Variants in EPSTI1 observed in about 807,000 individuals in gnomAD.
EPSTI1 encodes the protein epithelial-stromal interaction protein 1.
In EPSTI1, 66 loss-of-function variants were observed where a neutral mutation model predicts 49.9. The ratio of observed to expected loss-of-function variants is 1.32; its 90% CI spans 1.08 to 1.62. The LOEUF is 1.62. Among genes scored for constraint, EPSTI1 ranks in the 40% most tolerant of loss-of-function variants. The pLI, the probability that EPSTI1 is intolerant of heterozygous loss-of-function variation, is 0.00. For missense variants in EPSTI1, 394 were observed against 365.5 expected, an observed-to-expected ratio of 1.08 and a Z score of -0.64; for synonymous variants, 137 against 130.7, an observed-to-expected ratio of 1.05 and a Z score of -0.33.
intron 4 of EPSTI1, 75 bp downstream of exon 4, chr13:42,963,991 T>C (rs1464131246): frequency 7.8e-7 from 1 of 1,277,164 alleles, no homozygotes; most frequent in East Asian, 2.4e-5. Context: ...AGTTACTGTG[T>C]TATTTCACAG....
intron 3 of EPSTI1, among the ~76,000 whole-genome samples, chr13:42,965,895 C>G (rs1329011104): frequency 7.9e-4 from 48 of 60,728 alleles, no homozygotes; most frequent in Non-Finnish European, 6.4e-4. Context: ...ACCTCCCTGC[C>G]TGATTCTCCT....
intron 1 of EPSTI1, among the ~76,000 whole-genome samples, chr13:42,971,610 G>T (rs946110245): frequency 4.3e-5 from 4 of 93,534 alleles, no homozygotes; most frequent in African/African-American, 1.4e-4. Context: ...TAGGATTTAA[G>T]AGGGAGGGAA....
At position 42,886,777 on chromosome 13, in the gene EPSTI1, A is replaced by G. The variant is rs1198180018; in HGVS notation, c.*1717T>C. 2 of 152,338 alleles carry G rather than the reference A, an allele frequency of 1.3e-5. No homozygotes were observed. Among genetic ancestry groups the G allele is most frequent in the African/African-American group, 2.4e-5 (1 of 41,578 alleles). The allele number at this position is 152,338 out of a possible 1,614,324, so 9.4% of individuals were successfully genotyped here. ...GTCATGAAGTAAGTCACAATTTTCC[A>G]TATCTGCACAATTTTTAAAAAATGG... is the stretch of plus-strand genomic sequence containing the variant. On this transcript the variant is annotated 3_prime_UTR_variant, in exon 11 of 11. Transcript: ENST00000313624.
At chr13:42,944,443 C>G (rs2038858358) in intron 6 of EPSTI1, among the ~76,000 whole-genome samples, 1 of 152,074 alleles carries the variant, frequency 6.6e-6, no homozygotes, top group African/African-American at 2.4e-5. Flanking sequence ...ACTGCATGTT[C>G]TCATTCATAA....
chr13:42,991,869 C>A, intron 1 of EPSTI1, 109 bp downstream of exon 1: 1 of 1,215,372 alleles, frequency 8.2e-7, no homozygotes, highest in South Asian at 1.3e-5. Flanking sequence ...AGTCAAAATC[C>A]CTGTTGTTGG....
intron 1 of EPSTI1, among the ~76,000 whole-genome samples, chr13:42,973,991 C>G (rs2039822009): frequency 6.6e-6 from 1 of 152,134 alleles, no homozygotes; most frequent in Admixed American, 6.5e-5. Context: ...AAAGAACAGA[C>G]AAGATAAAAT....
In EPSTI1 at chr13:42,992,156, G is replaced by C. The variant is rs762088427; in HGVS notation, c.10C>G (p.Arg4Gly). 3 of 1,578,408 alleles carry C rather than the reference G, an allele frequency of 1.9e-6. No individual in the cohort carries two copies. The highest frequency in any genetic ancestry group is 1.2e-5 in the South Asian group (1 of 86,214). The change falls in exon 1 of 11, where the codon CGC (arginine) becomes GGC (glycine). Residue 4 changes from arginine (R) to glycine (G), a missense_variant. Physicochemically the swap from Arg to Gly is moderately radical, Grantham distance 125. Coordinates refer to ENST00000313624, the MANE Select transcript of EPSTI1 (RefSeq NM_033255.5). MNT[R>G]NRVVNSGLGA... is the part of the protein sequence containing the mutation. ...AGCCCGGAGTTCACCACTCTATTGC[G>C]GGTGTTCATGGTTCACAGCCCGCGG...
rs566054037 is a variant in EPSTI1 at position 42,886,408 on chromosome 13, T to A, written c.*2086A>T. 3.9e-5 allele frequency: 6 copies of A among 152,278 alleles called. No homozygotes were observed. The highest frequency in any genetic ancestry group is 1.4e-4 in the African/African-American group (6 of 41,544). 9.4% of individuals were successfully genotyped at this position (152,278 alleles called of 1,614,324 possible). A position where few individuals can be genotyped will look rare whatever the true frequency, so the allele number is the denominator to read the frequency against. ...AGTGGTAAATCCAAATACAAAAGTG[T>A]TTAGAAGTTTATTAAACATTTTATT... is the stretch of plus-strand genomic sequence containing the variant. On this transcript the variant is annotated 3_prime_UTR_variant, in exon 11 of 11. Coordinates refer to ENST00000313624, the MANE Select transcript of EPSTI1 (RefSeq NM_033255.5).
chr13:42,900,249 T>G, intron 9 of EPSTI1, 61 bp downstream of exon 9: 1 of 1,430,504 alleles, frequency 7.0e-7, no homozygotes, highest in Non-Finnish European at 9.9e-7. Context: ...CCTAAAACAC[T>G]GTACAAACTT....
intron 6 of EPSTI1, among the ~76,000 whole-genome samples, chr13:42,940,851 T>C (rs886733782): frequency 6.6e-5 from 10 of 152,256 alleles, no homozygotes; most frequent in Middle Eastern, 3.2e-3. Flanking sequence ...ATCTAATCAT[T>C]AGTGAAACTG....
chr13:42,930,682 C>T (rs939495850), intron 6 of EPSTI1, among the ~76,000 whole-genome samples: 9 of 151,910 alleles, frequency 5.9e-5, no homozygotes, highest in African/African-American at 2.2e-4. Flanking sequence ...ATTGCAAAAG[C>T]AATACATAAA....
intron 6 of EPSTI1, among the ~76,000 whole-genome samples, chr13:42,944,768 G>A (rs766705808): frequency 6.6e-6 from 1 of 152,182 alleles, no homozygotes; most frequent in Non-Finnish European, 1.5e-5. Context: ...ATCAGAAGAG[G>A]TCACTGTGAC....
chr13:42,889,387 G>C (rs1244529997), intron 10 of EPSTI1: 6 of 533,356 alleles, frequency 1.1e-5, no homozygotes, highest in Non-Finnish European at 1.9e-5. Flanking sequence ...ACACTTATTG[G>C]GGGCCTACTG....
intron 1 of EPSTI1, among the ~76,000 whole-genome samples, chr13:42,988,747 A>T (rs2153437124): frequency 6.6e-6 from 1 of 150,406 alleles, no homozygotes; most frequent in African/African-American, 2.5e-5. Context: ...AAAAAAAAAG[A>T]ACTCAATCTT....
At chr13:42,980,545 A>G (rs886532639) in intron 1 of EPSTI1, among the ~76,000 whole-genome samples, 1 of 152,196 alleles carries the variant, frequency 6.6e-6, no homozygotes. Flanking sequence ...CAGGTCTCAT[A>G]AAACTTACTC....
At position 42,954,108 on chromosome 13, in the gene EPSTI1, A is replaced by C. The variant is rs566969293; in HGVS notation, c.490-87T>G. ...AAAGTTACCCAAGGTCCAAAATCCT[A>C]AGGTTCAACTGGCCTTGATAGTCTA... On this transcript the variant is annotated intron_variant, in intron 5 of 10. Transcript: ENST00000313624. The C allele has an allele frequency of 1.4e-5, 16 of 1,111,654 alleles. No individual in the cohort carries two copies. The Admixed American group carries it at 3.4e-4, about 24-fold the overall frequency. 68.9% of individuals were successfully genotyped at this position (1,111,654 alleles called of 1,614,324 possible).
intron 8 of EPSTI1, among the ~76,000 whole-genome samples, chr13:42,905,036 C>G (rs2037459831): frequency 1.3e-5 from 2 of 152,258 alleles, no homozygotes; most frequent in African/African-American, 4.8e-5. Flanking sequence ...AATTTATTAT[C>G]AGTGTGAGAG....
chr13:42,930,360 T>C (rs145424643), intron 6 of EPSTI1, among the ~76,000 whole-genome samples: 2 of 152,344 alleles, frequency 1.3e-5, no homozygotes, highest in Non-Finnish European at 2.9e-5. Context: ...TGTTTAGCAA[T>C]ATGGGTTATA....
chr13:42,914,171 C>A (rs941324072), intron 8 of EPSTI1, among the ~76,000 whole-genome samples: 1 of 152,144 alleles, frequency 6.6e-6, no homozygotes, highest in Non-Finnish European at 1.5e-5. Flanking sequence ...CTACAGATTA[C>A]TACAAGGTGA....
Sources: gnomAD v4.1 joint callset for allele counts (sites outside exome capture counted in the v4.1 genomes callset) on GRCh38, gnomAD v4.1.1 for gene constraint, MANE v1.5 for transcripts, NCBI Gene and HGNC (gene_info 2026-07-23, HGNC 2026-07-21) for gene names.